TPTE2: variants seen among roughly 807,000 people sequenced by gnomAD.
TPTE2 encodes the protein transmembrane phosphoinositide 3-phosphatase and tensin homolog 2, also known as phosphatidylinositol 3,4,5-trisphosphate 3-phosphatase TPTE2.
Under a neutral mutation model 78.6 loss-of-function variants are expected in TPTE2, and 53 were observed. The ratio of observed to expected loss-of-function variants is 0.67; its 90% CI spans 0.54 to 0.85. The LOEUF is 0.85. TPTE2 is among the 40% of genes least tolerant of loss of function. The pLI, the probability that TPTE2 is intolerant of heterozygous loss-of-function variation, is 0.00. For missense variants in TPTE2, 461 were observed against 623.0 expected, an observed-to-expected ratio of 0.74 and a Z score of 2.77; for synonymous variants, 175 against 206.2, an observed-to-expected ratio of 0.85 and a Z score of 1.30.
chr13:19,475,294 C>T (rs1327342673), intron 5 of TPTE2, among the ~76,000 whole-genome samples: 1 of 151,172 alleles, frequency 6.6e-6, no homozygotes, highest in African/African-American at 2.4e-5. Context: ...GGTGCAATTT[C>T]AGCTCACTGC....
chr13:19,431,010 C>G (rs1719503282), intron 16 of TPTE2, among the ~76,000 whole-genome samples: 1 of 151,628 alleles, frequency 6.6e-6, no homozygotes, highest in Non-Finnish European at 1.5e-5. Flanking sequence ...GCCTGTAATC[C>G]TAGCTACTTG....
intron 10 of TPTE2, among the ~76,000 whole-genome samples, chr13:19,463,981 G>A (rs1272520256): frequency 6.6e-6 from 1 of 152,178 alleles, no homozygotes; most frequent in Non-Finnish European, 1.5e-5. Flanking sequence ...GCATATGGTG[G>A]CTCTGCTGGT....
chr13:19,504,033 C>T (rs1246828458), upstream of TPTE2, among the ~76,000 whole-genome samples: 1 of 152,132 alleles, frequency 6.6e-6, no homozygotes, highest in Non-Finnish European at 1.5e-5. Context: ...AGCCACCACG[C>T]CCGGCCTCTA....
chr13:19,449,947 T>C, intron 13 of TPTE2, 129 bp downstream of exon 16: 1 of 813,392 alleles, frequency 1.2e-6, no homozygotes, highest in Non-Finnish European at 1.9e-6. Flanking sequence ...TCTTTCAGTC[T>C]TGGAGCTAAT....
intron 1 of TPTE2, among the ~76,000 whole-genome samples, chr13:19,526,021 T>A (rs2932167): frequency 0.24 from 36,103 of 151,972 alleles, 6,015 homozygotes; most frequent in African/African-American, 0.47. Context: ...ATAGCTATTA[T>A]TAAAAAGCCA....
intron 6 of TPTE2, among the ~76,000 whole-genome samples, 185 bp from the exon 10 acceptor site, chr13:19,467,529 A>G (rs1879343795): frequency 6.6e-6 from 1 of 152,180 alleles, no homozygotes; most frequent in South Asian, 2.1e-4. Flanking sequence ...TTCAAACAAT[A>G]AAATTATATT....
intron 10 of TPTE2, among the ~76,000 whole-genome samples, chr13:19,460,358 T>G (rs1878811089): frequency 6.6e-6 from 1 of 152,236 alleles, no homozygotes; most frequent in African/African-American, 2.4e-5. Flanking sequence ...TCTGCCTGCT[T>G]GTCTTCATTC....
intron 3 of TPTE2, among the ~76,000 whole-genome samples, chr13:19,489,014 T>C (rs1413257118): frequency 6.6e-6 from 1 of 152,062 alleles, no homozygotes; most frequent in African/African-American, 2.4e-5. Flanking sequence ...CTACTTTCAA[T>C]ATTGTTGTGA....
chr13:19,550,991 G>A, the TPTE2 span, among the ~76,000 whole-genome samples: 3 of 152,066 alleles, frequency 2.0e-5, no homozygotes, highest in African/African-American at 7.2e-5. Flanking sequence ...TTTTAACCAT[G>A]AGGACTTGGA....
chr13:19,509,013 T>C (rs1056245203), intron 1 of TPTE2, among the ~76,000 whole-genome samples: 4 of 152,176 alleles, frequency 2.6e-5, no homozygotes, highest in African/African-American at 9.7e-5. Flanking sequence ...AAAACCCACA[T>C]TTGAAACTAA....
intron 10 of TPTE2, among the ~76,000 whole-genome samples, chr13:19,457,620 A>G (rs1273847197): frequency 1.3e-5 from 2 of 151,308 alleles, no homozygotes; most frequent in East Asian, 3.9e-4. Context: ...AGAACATGCG[A>G]TGTTTGGTTT....
At chr13:19,555,152 A>G in the TPTE2 span, among the ~76,000 whole-genome samples, 3 of 152,222 alleles carry the variant, frequency 2.0e-5, no homozygotes, top group East Asian at 5.8e-4. Context: ...TTAATCCTTG[A>G]CATGTATGTA....
chr13:19,560,743 GGCCCAGCAGGGAAGGC>G, the TPTE2 span: 39 of 1,469,486 alleles, frequency 2.7e-5, 1 homozygote, highest in South Asian at 4.6e-4. Flanking sequence ...GACTGCCAGG[GGCCCAGCAGGGAAGGC>G]GCCCGGGAAG....
chr13:19,474,889 G>T (rs929216739), intron 5 of TPTE2, among the ~76,000 whole-genome samples: 2 of 152,242 alleles, frequency 1.3e-5, no homozygotes, highest in East Asian at 1.9e-4. Flanking sequence ...GAACTAAAGA[G>T]TAATTCCAGA....
At chr13:19,493,571 C>T in intron 1 of TPTE2, 70 bp from the exon 5 acceptor site, 1 of 1,378,240 alleles carries the variant, frequency 7.3e-7, no homozygotes, top group Non-Finnish European at 1.0e-6. Context: ...GAAAAATTAC[C>T]TTTCATTACT....
chr13:19,438,277 C>A lies in TPTE2; in HGVS notation c.974-124G>T, dbSNP rs191213127. ...TTTGAGACAGGGTCTTGCTGTGTCACGCAGGCTGGAGTGCAGTGGCACAAT... is the reference window on the plus strand; with the variant it reads ...TTTGAGACAGGGTCTTGCTGTGTCAAGCAGGCTGGAGTGCAGTGGCACAAT... On this transcript the variant is annotated intron_variant, in intron 13 of 19. Coordinates refer to ENST00000400230, the Ensembl canonical transcript of TPTE2. The A allele has an allele frequency of 4.2e-3, 5,763 of 1,370,898 alleles. 21 individuals carry two copies. Among genetic ancestry groups the A allele is most frequent in the Admixed American group, 5.9e-3 (206 of 35,056 alleles). 84.9% of individuals were successfully genotyped at this position (1,370,898 alleles called of 1,614,324 possible). A position where few individuals can be genotyped will look rare whatever the true frequency, so the allele number is the denominator to read the frequency against.
At chr13:19,423,402 A>C (rs1002326996) in intron 19 of TPTE2, among the ~76,000 whole-genome samples, 2 of 152,216 alleles carry the variant, frequency 1.3e-5, no homozygotes, top group African/African-American at 2.4e-5. Flanking sequence ...CTTTATATGG[A>C]ATTAATGACA....
chr13:19,436,332 A>G (rs1877083388), intron 14 of TPTE2, 26 bp from the exon 18 acceptor site: 4 of 1,594,490 alleles, frequency 2.5e-6, no homozygotes, highest in Non-Finnish European at 3.4e-6. Flanking sequence ...CAATCCAACC[A>G]TGGTTCATCT....
Position 19,486,539 on chromosome 13 carries a change from C to T in TPTE2, c.120-3992G>A, listed in dbSNP as rs1880674131. Among the ~76,000 whole-genome samples, 1 of 152,182 alleles carries T rather than the reference C, an allele frequency of 6.6e-6. No individual in the cohort carries two copies. Among genetic ancestry groups the T allele is most frequent in the South Asian group, 2.1e-4 (1 of 4,836 alleles). ...GTGCTTTGCAGGACAGTTTCTCAGG[C>T]CCAGGACGCAGGCACACAGCTGTTT... On this transcript the variant is annotated intron_variant, in intron 3 of 19. Transcript: ENST00000400230. The surrounding 1 kb of genome is among the most constrained non-coding windows in gnomAD (Gnocchi z 4.3).
Sources: gnomAD v4.1 joint callset for allele counts (sites outside exome capture counted in the v4.1 genomes callset) on GRCh38, gnomAD v4.1.1 for gene constraint, Gnocchi (gnomAD v3.1) non-coding constraint, MANE v1.5 for transcripts, NCBI Gene and HGNC (gene_info 2026-07-23, HGNC 2026-07-21) for gene names.